The following KLHL29 variants were observed in gnomAD, a reference collection of about 807,000 sequenced individuals.
KLHL29 encodes kelch like family member 29, also known as kelch-like protein 29.
A neutral mutation model predicts 80.4 loss-of-function variants in KLHL29; 21 were observed. That is an observed-to-expected ratio of 0.26 (90% CI 0.19 to 0.38). The LOEUF is 0.38. Among genes scored for constraint, KLHL29 ranks in the 10% least tolerant of loss-of-function variants. The pLI, the probability that KLHL29 is intolerant of heterozygous loss-of-function variation, is 1.00. For synonymous variants in KLHL29, 511 were observed against 526.8 expected, an observed-to-expected ratio of 0.97 and a Z score of 0.41; for missense variants, 867 against 1,223.9, an observed-to-expected ratio of 0.71 and a Z score of 4.35.
At chr2:23,659,575 G>A (rs981811422) in intron 5 of KLHL29, among the ~76,000 whole-genome samples, 4 of 152,162 alleles carry the variant, frequency 2.6e-5, no homozygotes, top group African/African-American at 9.7e-5. Context: ...GACAGAGGAG[G>A]GGCCTGGCTT....
intron 1 of KLHL29, among the ~76,000 whole-genome samples, chr2:23,472,658 C>G (rs563481602): frequency 2.0e-5 from 3 of 151,996 alleles, no homozygotes; most frequent in Admixed American, 2.0e-4. Context: ...CAAAACAAAA[C>G]CTTGATAAAT....
intron 1 of KLHL29, among the ~76,000 whole-genome samples, chr2:23,413,090 G>A (rs1450010763): frequency 1.3e-5 from 2 of 152,178 alleles, no homozygotes; most frequent in Non-Finnish European, 2.9e-5. Context: ...GTGGAAAGGT[G>A]AGGCCCAGGA....
chr2:23,585,638 CCCAGGCTCCCCACCA>C (rs927786627), intron 3 of KLHL29, among the ~76,000 whole-genome samples: 1 of 152,108 alleles, frequency 6.6e-6, no homozygotes, highest in African/African-American at 2.4e-5. Context: ...CTTTCTGCCC[CCCAGGCTCCCCACCA>C]CCATGCCCAC....
At chr2:23,427,698 A>G (rs990508090) in intron 1 of KLHL29, among the ~76,000 whole-genome samples, 1 of 152,210 alleles carries the variant, frequency 6.6e-6, no homozygotes, top group African/African-American at 2.4e-5. Flanking sequence ...TTTGGGGTCT[A>G]TTATTGACTA....
At chr2:23,401,563 A>G (rs1183867978) in intron 1 of KLHL29, among the ~76,000 whole-genome samples, 2 of 152,238 alleles carry the variant, frequency 1.3e-5, no homozygotes, top group Admixed American at 6.5e-5. Flanking sequence ...AGAGGCTCAC[A>G]TGACAGAGAC....
At chr2:23,703,889 G>A in intron 13 of KLHL29, 26 bp downstream of exon 13, 1 of 1,527,824 alleles carries the variant, frequency 6.5e-7, no homozygotes, top group Non-Finnish European at 8.8e-7. Flanking sequence ...GCCTTGACTA[G>A]GGCTGGGACG....
Position 23,682,683 on chromosome 2 carries a change from C to T in KLHL29, c.941-1716C>T, listed in dbSNP as rs1013837390. ...CCTCGTGCTCCTGCACCCTCCCACA[C>T]CCTCCCGCACCCTCCCGCGCCCTCC... On this transcript the variant is annotated intron_variant, in intron 5 of 13. Coordinates refer to ENST00000486442, the MANE Select transcript of KLHL29 (RefSeq NM_052920.2). The surrounding 1 kb of genome is among the most constrained non-coding windows in gnomAD (Gnocchi z 4.1). Among the ~76,000 whole-genome samples the T allele has an allele frequency of 6.6e-6, 1 of 151,308 alleles. No homozygotes were observed. Among genetic ancestry groups the T allele is most frequent in the Admixed American group, 6.6e-5 (1 of 15,260 alleles).
At chr2:23,564,922 G>A (rs542764587) in intron 3 of KLHL29, among the ~76,000 whole-genome samples, 2 of 152,336 alleles carry the variant, frequency 1.3e-5, no homozygotes, top group South Asian at 4.1e-4. Flanking sequence ...AGACTTTGGA[G>A]ACAGACTGCC....
intron 2 of KLHL29, among the ~76,000 whole-genome samples, chr2:23,542,581 C>T (rs1006617510): frequency 1.3e-5 from 2 of 152,232 alleles, no homozygotes; most frequent in Admixed American, 6.5e-5. Flanking sequence ...ATGCCATCCT[C>T]GGGGCTTGTC....
chr2:23,422,165 T>C (rs1177364453), intron 1 of KLHL29, among the ~76,000 whole-genome samples: 1 of 151,580 alleles, frequency 6.6e-6, no homozygotes, highest in Admixed American at 6.6e-5. Flanking sequence ...GTGTGTTCTT[T>C]GTGTATCTGT....
chr2:23,601,089 G>A (rs1181098450), intron 3 of KLHL29, among the ~76,000 whole-genome samples: 4 of 152,164 alleles, frequency 2.6e-5, no homozygotes, highest in Admixed American at 2.6e-4. Flanking sequence ...AAATAGTTTG[G>A]AGTTGAAATT....
chr2:23,620,296 G>A (rs540770672), intron 3 of KLHL29, among the ~76,000 whole-genome samples: 2 of 152,308 alleles, frequency 1.3e-5, no homozygotes, highest in African/African-American at 4.8e-5. Context: ...GGGATTGGAA[G>A]GTGTTAGGGA....
chr2:23,655,167 G>C (rs1444461122), intron 5 of KLHL29, among the ~76,000 whole-genome samples: 1 of 152,204 alleles, frequency 6.6e-6, no homozygotes, highest in Non-Finnish European at 1.5e-5. Context: ...GGAAGCTGCA[G>C]ACAGAGCACT....
intron 3 of KLHL29, among the ~76,000 whole-genome samples, chr2:23,582,665 G>A (rs1333788987): frequency 6.6e-6 from 1 of 152,158 alleles, no homozygotes; most frequent in Non-Finnish European, 1.5e-5. Context: ...CAATTTCCCA[G>A]TTCCACTCCC....
At chr2:23,499,135 G>C (rs554052657) in intron 2 of KLHL29, among the ~76,000 whole-genome samples, 1 of 152,116 alleles carries the variant, frequency 6.6e-6, no homozygotes, top group South Asian at 2.1e-4. Flanking sequence ...AAATGGTTTC[G>C]CAAGACTTTA....
chr2:23,466,342 A>G (rs1245172908), intron 1 of KLHL29, among the ~76,000 whole-genome samples: 2 of 152,220 alleles, frequency 1.3e-5, no homozygotes, highest in Non-Finnish European at 2.9e-5. Flanking sequence ...AGAAGCATCT[A>G]TGTGTTTCTT....
At chr2:23,574,924 C>G (rs922738327) in intron 3 of KLHL29, among the ~76,000 whole-genome samples, 2 of 152,038 alleles carry the variant, frequency 1.3e-5, no homozygotes, top group Non-Finnish European at 2.9e-5. Context: ...TGTGCTGGGC[C>G]GGTTACAAGG....
intron 1 of KLHL29, among the ~76,000 whole-genome samples, chr2:23,390,563 C>CAT (rs1280270527): frequency 6.7e-6 from 1 of 150,246 alleles, no homozygotes; most frequent in Non-Finnish European, 1.5e-5. Context: ...TATACACATA[C>CAT]ATATATATAG....
chr2:23,623,357 G>T (rs1450801950), intron 3 of KLHL29, among the ~76,000 whole-genome samples: 1 of 152,184 alleles, frequency 6.6e-6, no homozygotes, highest in Non-Finnish European at 1.5e-5. Context: ...AGGACAGTCC[G>T]CTGTCTGGGG....
Sources: allele counts gnomAD v4.1 joint callset (sites outside exome capture counted in the v4.1 genomes callset), GRCh38; gene constraint gnomAD v4.1.1; non-coding constraint Gnocchi (gnomAD v3.1); transcripts MANE v1.5; gene names NCBI Gene and HGNC (gene_info 2026-07-23, HGNC 2026-07-21).